Variants in COPG2 observed in about 807,000 individuals in gnomAD.
The protein encoded by COPG2 is coatomer subunit gamma-2.
In COPG2, 37 loss-of-function variants were observed where a neutral mutation model predicts 46.3. That is an observed-to-expected ratio of 0.80 (90% CI 0.61 to 1.05). The LOEUF is 1.05. COPG2 is among the 50% of genes least tolerant of loss of function. The probability of loss-of-function intolerance (pLI) is 0.00; values close to 1 mark genes in which losing one functional copy is unlikely to be tolerated. For missense variants in COPG2, 427 were observed against 387.8 expected, an observed-to-expected ratio of 1.10 and a Z score of -0.85; for synonymous variants, 159 against 129.7, an observed-to-expected ratio of 1.23 and a Z score of -1.53.
chr7:130,568,269 C>CT, intron 9 of COPG2, among the ~76,000 whole-genome samples: 1 of 152,084 alleles, frequency 6.6e-6, no homozygotes, highest in East Asian at 1.9e-4. Context: ...GAGCGAAACT[C>CT]TGTCTCAAAA....
intron 5 of COPG2, among the ~76,000 whole-genome samples, chr7:130,635,095 T>C (rs1795309304): frequency 6.6e-6 from 1 of 150,608 alleles, no homozygotes; most frequent in South Asian, 2.1e-4. Flanking sequence ...TTTGATGTGC[T>C]GCTGGATTCG....
In COPG2 at chr7:130,602,783, C is replaced by CT. The variant is rs528776811; in HGVS notation, c.737+8169dup. 396 of 151,190 alleles carry CT rather than the reference C, an allele frequency of 2.6e-3. 1 individual carries two copies. Among genetic ancestry groups the CT allele is most frequent in the Non-Finnish European group, 3.3e-3 (224 of 67,678 alleles). 9.4% of individuals were successfully genotyped at this position (151,190 alleles called of 1,614,324 possible). A position where few individuals can be genotyped will look rare whatever the true frequency, so the allele number is the denominator to read the frequency against. On this transcript the variant is annotated intron_variant, in intron 9 of 23. Coordinates refer to ENST00000425248, the MANE Select transcript of COPG2 (RefSeq NM_012133.6). ...CCACCACACCCGGCCAACCACTTTCCTTTTTTTTTAAAGCCTACAGCATCC... is the reference window on the plus strand; with the variant it reads ...CCACCACACCCGGCCAACCACTTTCCTTTTTTTTTTAAAGCCTACAGCATCC...
intron 9 of COPG2, among the ~76,000 whole-genome samples, chr7:130,574,849 A>T (rs1213475076): frequency 6.6e-6 from 1 of 152,216 alleles, no homozygotes; most frequent in Non-Finnish European, 1.5e-5. Context: ...AGATTGCTTA[A>T]AGAAAAAAAA....
At chr7:130,514,459 T>C (rs1274965028) in intron 20 of COPG2, among the ~76,000 whole-genome samples, 3 of 152,160 alleles carry the variant, frequency 2.0e-5, no homozygotes, top group Non-Finnish European at 2.9e-5. Context: ...GGTATTAAAG[T>C]TACTCTTAGA....
At chr7:130,654,699 T>C (rs62473526) in intron 4 of COPG2, among the ~76,000 whole-genome samples, 29,433 of 152,154 alleles carry the variant, frequency 0.19, 3,031 homozygotes, top group Middle Eastern at 0.25. Context: ...ATTGCAATTT[T>C]GAATATAAAC....
Position 130,511,209 on chromosome 7 carries a change from T to C in COPG2, c.2150-2550A>G, listed in dbSNP as rs538530225. ...GGTCTCAACCACCTGGGGGAGACCA[T>C]GACAAAGTAAGAGACACTTATGAGG... On this transcript the variant is annotated intron_variant, in intron 20 of 23. Coordinates refer to ENST00000425248, the MANE Select transcript of COPG2 (RefSeq NM_012133.6). Among the ~76,000 whole-genome samples the C allele has an allele frequency of 9.2e-5, 14 of 151,890 alleles. No individual in the cohort carries two copies. The South Asian group carries it at 2.3e-3, about 25-fold the overall frequency.
chr7:130,526,954 G>A (rs1340214619), intron 20 of COPG2, among the ~76,000 whole-genome samples: 3 of 144,456 alleles, frequency 2.1e-5, no homozygotes, highest in Non-Finnish European at 3.0e-5. Flanking sequence ...GAATGGGGGT[G>A]GGGGGAGGCA....
Position 130,549,306 on chromosome 7 carries a change from C to T in COPG2, c.1837+8G>A, listed in dbSNP as rs1481051442. Reference sequence around the variant, plus strand: ...AGATTATTACGTCTAACCATCAAATCATCATACCTTGGAAAATGTCTTGCC... The same window carrying T: ...AGATTATTACGTCTAACCATCAAATTATCATACCTTGGAAAATGTCTTGCC... On this transcript the variant is annotated splice_region_variant and intron_variant, in intron 18 of 23. Transcript: ENST00000425248. The T allele has an allele frequency of 2.5e-6, 1 of 398,402 alleles. No individual in the cohort carries two copies. Among genetic ancestry groups the T allele is most frequent in the Non-Finnish European group, 4.4e-6 (1 of 226,026 alleles). 24.7% of individuals were successfully genotyped at this position (398,402 alleles called of 1,614,324 possible).
intron 5 of COPG2, among the ~76,000 whole-genome samples, chr7:130,635,597 CTTCT>C (rs1795320717): frequency 6.6e-6 from 1 of 151,986 alleles, no homozygotes; most frequent in Admixed American, 6.6e-5. Flanking sequence ...ATTCTTCTCT[CTTCT>C]TTATTAGTCT....
intron 5 of COPG2, among the ~76,000 whole-genome samples, chr7:130,628,279 T>A: frequency 6.6e-6 from 1 of 152,186 alleles, no homozygotes; most frequent in East Asian, 1.9e-4. Context: ...TTGGGTTAAC[T>A]GAACACTTTT....
intron 9 of COPG2, among the ~76,000 whole-genome samples, chr7:130,583,114 T>C (rs1388602169): frequency 6.0e-5 from 9 of 151,174 alleles, no homozygotes; most frequent in African/African-American, 2.2e-4. Context: ...CCAACAATGA[T>C]AGACCGGATT....
intron 17 of COPG2, among the ~76,000 whole-genome samples, chr7:130,550,319 G>A (rs1793516988): frequency 6.7e-6 from 1 of 148,526 alleles, no homozygotes; most frequent in Non-Finnish European, 1.5e-5. Context: ...GCTGAGGAAG[G>A]AGACTCGCTT....
chr7:130,592,794 C>A (rs1355408014), intron 9 of COPG2, among the ~76,000 whole-genome samples: 1 of 152,140 alleles, frequency 6.6e-6, no homozygotes, highest in Non-Finnish European at 1.5e-5. Context: ...GGGATACTTC[C>A]CCTCAAAATT....
At chr7:130,598,092 T>G (rs1409965901) in intron 9 of COPG2, among the ~76,000 whole-genome samples, 1 of 151,856 alleles carries the variant, frequency 6.6e-6, no homozygotes, top group Non-Finnish European at 1.5e-5. Flanking sequence ...GCTTCTAGTG[T>G]AGGAAGCTGG....
At chr7:130,533,049 G>A (rs1256948663) in intron 20 of COPG2, among the ~76,000 whole-genome samples, 4 of 152,112 alleles carry the variant, frequency 2.6e-5, no homozygotes, top group Non-Finnish European at 2.9e-5. Flanking sequence ...TTTGCAGCAC[G>A]TGGAAAAGCA....
intron 9 of COPG2, among the ~76,000 whole-genome samples, chr7:130,587,987 A>G (rs1794315433): frequency 6.6e-6 from 1 of 152,252 alleles, no homozygotes; most frequent in Non-Finnish European, 1.5e-5. Flanking sequence ...TGGGCGAAGT[A>G]TATGAACAGA....
chr7:130,540,894 A>G (rs1241260005), intron 20 of COPG2, among the ~76,000 whole-genome samples: 2 of 152,160 alleles, frequency 1.3e-5, no homozygotes, highest in African/African-American at 4.8e-5. Flanking sequence ...TGTTCAGCTC[A>G]GTAAAAGTAA....
chr7:130,507,460 GAAGGGTTTGTTGGTGA>G, intron 22 of COPG2, 88 bp from the exon 23 acceptor site: 1 of 757,512 alleles, frequency 1.3e-6, no homozygotes. Context: ...AGCTGGGGTG[GAAGGGTTTGTTGGTGA>G]AGGGGGTTGT....
At chr7:130,575,095 G>C (rs371568389) in intron 9 of COPG2, among the ~76,000 whole-genome samples, 158 of 152,238 alleles carry the variant, frequency 1.0e-3, no homozygotes, top group African/African-American at 3.5e-3. Context: ...TGTTCCTAAG[G>C]AAGAAGAGAA....
Sources: gnomAD v4.1 joint callset for allele counts (sites outside exome capture counted in the v4.1 genomes callset) on GRCh38, gnomAD v4.1.1 for gene constraint, MANE v1.5 for transcripts, NCBI Gene and HGNC (gene_info 2026-07-23, HGNC 2026-07-21) for gene names.